Variants in DNMT3A observed in about 807,000 individuals in gnomAD.
The protein encoded by DNMT3A is DNA (cytosine-5)-methyltransferase 3A.
DNMT3A carries 267 observed loss-of-function variants against 117.6 expected under a neutral mutation model. That is an observed-to-expected ratio of 2.27 (90% CI 2.05 to 2.51). The LOEUF is 2.51. Ranked by LOEUF, DNMT3A falls within the 30% of genes most tolerant of loss-of-function variation. The pLI, the probability that DNMT3A is intolerant of heterozygous loss-of-function variation, is 0.00. For synonymous variants in DNMT3A, 432 were observed against 474.8 expected (o/e 0.91, Z 1.17); for missense variants, 1,029 against 1,260.2 (o/e 0.82, Z 2.78).
chr2:25,333,688 T>G (rs1573511760), intron 1 of DNMT3A, among the ~76,000 whole-genome samples: 3 of 151,940 alleles, frequency 2.0e-5, no homozygotes, highest in Admixed American at 1.3e-4. Context: ...TTTGTGGGGG[T>G]CACCCTAACC....
At chr2:25,318,766 C>T (rs1356391326) in intron 1 of DNMT3A, among the ~76,000 whole-genome samples, 1 of 144,728 alleles carries the variant, frequency 6.9e-6, no homozygotes, top group Non-Finnish European at 1.5e-5. Context: ...GGTGCAATCT[C>T]GGCTCACTGC....
At chr2:25,244,476 G>A in intron 14 of DNMT3A, 64 bp downstream of exon 14, 2 of 1,588,800 alleles carry the variant, frequency 1.3e-6, no homozygotes, top group Non-Finnish European at 1.7e-6. Context: ...GAGGAGGGGA[G>A]GCGGTGGGCG....
intron 3 of DNMT3A, among the ~76,000 whole-genome samples, chr2:25,289,127 C>T (rs1573434935): frequency 6.7e-6 from 1 of 149,440 alleles, no homozygotes; most frequent in Non-Finnish European, 1.5e-5. Context: ...TTTTTTGAGA[C>T]CGAGTCTCGC....
chr2:25,327,969 T>C lies in DNMT3A; in HGVS notation c.-177-13808A>G, dbSNP rs1450257633. Among the ~76,000 whole-genome samples, 2 of 152,182 alleles carry C rather than the reference T, an allele frequency of 1.3e-5. No homozygotes were observed. Among genetic ancestry groups the C allele is most frequent in the African/African-American group, 4.8e-5 (2 of 41,426 alleles). On this transcript the variant is annotated intron_variant, in intron 1 of 22. Coordinates refer to ENST00000321117, the MANE Select transcript of DNMT3A (RefSeq NM_022552.5). This position sits in a 1 kb window ranked among gnomAD's most constrained non-coding sequence, Gnocchi z 4.1. ...CCCCCTATTCCCTCCAGGCCCTTTG[T>C]ACCTCTTGTGTCTGTGGCACAATAA...
In DNMT3A at chr2:25,286,806, G is replaced by A. The variant is rs1375813464; in HGVS notation, c.178-4095C>T. 1.3e-5 allele frequency among the ~76,000 whole-genome samples: 2 copies of A among 152,236 alleles called. No homozygotes were observed. On this transcript the variant is annotated intron_variant, in intron 3 of 22. Coordinates refer to ENST00000321117, the MANE Select transcript of DNMT3A (RefSeq NM_022552.5). This position sits in a 1 kb window ranked among gnomAD's most constrained non-coding sequence, Gnocchi z 4.3. ...GCAGAAACCTCAGCCTGGAAGCCCA[G>A]GAGGGAGGGGCACCCCAGCCAGGCC... is the stretch of plus-strand genomic sequence containing the variant.
intron 12 of DNMT3A, 118 bp from the exon 13 acceptor site, chr2:25,245,450 A>G: frequency 3.4e-6 from 3 of 895,334 alleles, no homozygotes; most frequent in South Asian, 1.6e-5. Context: ...GCAGCCAGAA[A>G]AGAGTCCAGG....
At chr2:25,334,970 A>G (rs2035152897) in intron 1 of DNMT3A, among the ~76,000 whole-genome samples, 1 of 152,236 alleles carries the variant, frequency 6.6e-6, no homozygotes, top group Admixed American at 6.5e-5. Context: ...AAGTTCATTT[A>G]CATTTTTTCA....
At chr2:25,269,103 C>T (rs1215174478) in intron 6 of DNMT3A, among the ~76,000 whole-genome samples, 1 of 152,222 alleles carries the variant, frequency 6.6e-6, no homozygotes, top group African/African-American at 2.4e-5. Flanking sequence ...AGGCGGATCA[C>T]TTGGGGTCAG....
rs12329362 is a variant in DNMT3A, at chr2:25,329,923, T to G, written c.-178+11903A>C. Among the ~76,000 whole-genome samples the G allele has an allele frequency of 8.7e-3, 1,325 of 152,290 alleles. 17 individuals carry two copies. Among genetic ancestry groups the G allele is most frequent in the African/African-American group, 0.03 (1,255 of 41,536 alleles). On this transcript the variant is annotated intron_variant, in intron 1 of 22. Transcript: ENST00000321117. Reference sequence around the variant, plus strand: ...CCTACTGTATGGGCCAAAGAGGCATTTGGAAACCAGCTTGGGAACCTCATA... The same window carrying G: ...CCTACTGTATGGGCCAAAGAGGCATGTGGAAACCAGCTTGGGAACCTCATA...
intron 6 of DNMT3A, among the ~76,000 whole-genome samples, chr2:25,250,833 A>T (rs1317666132): frequency 6.6e-6 from 1 of 152,100 alleles, no homozygotes; most frequent in Non-Finnish European, 1.5e-5. Flanking sequence ...CGGGAAGGGG[A>T]AAGGACCCGC....
In DNMT3A at chr2:25,235,750, T is replaced by C. The variant is rs746967478; in HGVS notation, c.2554A>G (p.Met852Val). Reference sequence around the variant, plus strand: ...CATAAGATGTCCTCTTTCTCATTCATGAAGACAGGAAAATGCTGGTCTTTG... The same window carrying C: ...CATAAGATGTCCTCTTTCTCATTCACGAAGACAGGAAAATGCTGGTCTTTG... ...QGKDQHFPVF[M>V]NEKEDILWCT... is the part of the protein sequence containing the mutation. Residue 852 changes from methionine to valine, a missense_variant, in exon 22 of 23, where the codon ATG becomes GTG. By Grantham distance (21) the Met-to-Val change is conservative. Coordinates refer to ENST00000321117, the MANE Select transcript of DNMT3A (RefSeq NM_022552.5). 3.1e-6 allele frequency: 5 copies of C among 1,614,098 alleles called. No individual in the cohort carries two copies. Among genetic ancestry groups the C allele is most frequent in the African/African-American group, 1.3e-5 (1 of 74,928 alleles).
chr2:25,313,961 G>T lies in DNMT3A; in HGVS notation c.24C>A (p.Gly8=). 1 of 1,548,778 alleles carries T rather than the reference G, an allele frequency of 6.5e-7. No homozygotes were observed. Residue 8 remains glycine, a synonymous_variant, in exon 2 of 23, where the codon GGC becomes GGA. Coordinates refer to ENST00000321117, the MANE Select transcript of DNMT3A (RefSeq NM_022552.5). MPAMPSS[G]PGDTSSSAAE... ...CAGCAGAGCTGCTGGTGTCCCCGGG[G>T]CCGCTGGAGGGCATGGCGGGCATCT...
chr2:25,332,303 ACTGCT>A (rs1377125332), intron 1 of DNMT3A, among the ~76,000 whole-genome samples: 1 of 152,168 alleles, frequency 6.6e-6, no homozygotes, highest in Non-Finnish European at 1.5e-5. Flanking sequence ...CACCTAGCTA[ACTGCT>A]CCCTCCGCTT....
Position 25,313,802 on chromosome 2 carries a change from G to A in DNMT3A, c.72+111C>T, listed in dbSNP as rs933542644. 6.7e-6 allele frequency: 10 copies of A among 1,484,896 alleles called. No homozygotes were observed. In the African/African-American group the frequency reaches 1.4e-4, roughly 21 times the overall value. The allele number at this position is 1,484,896 out of a possible 1,614,324, so 92.0% of individuals were successfully genotyped here. ...GTGATGGTCCCACACCCTGTCGTGA[G>A]CACTGAGTGATGCGGTCATGCACTC... On this transcript the variant is annotated intron_variant, in intron 2 of 22. Transcript: ENST00000321117.
At chr2:25,245,878 A>G (rs1674686426) in intron 12 of DNMT3A, 142 bp downstream of exon 12, 5 of 1,089,972 alleles carry the variant, frequency 4.6e-6, no homozygotes, top group Admixed American at 1.8e-5. Context: ...AGAAAGACAG[A>G]CAGTGCACGA....
chr2:25,319,757 G>A (rs2034523184), intron 1 of DNMT3A, among the ~76,000 whole-genome samples: 2 of 151,748 alleles, frequency 1.3e-5, no homozygotes, highest in African/African-American at 2.4e-5. Context: ...GAACTGAATA[G>A]ATTTTTTCTT....
intron 6 of DNMT3A, among the ~76,000 whole-genome samples, chr2:25,260,900 G>A (rs1676542670): frequency 1.3e-5 from 2 of 152,118 alleles, no homozygotes; most frequent in South Asian, 2.1e-4. Flanking sequence ...AAGCTGAGGT[G>A]GGAGGATCAC....
intron 3 of DNMT3A, among the ~76,000 whole-genome samples, chr2:25,287,735 G>T (rs13003265): frequency 2.1e-5 from 3 of 142,808 alleles, no homozygotes; most frequent in South Asian, 2.2e-4. Flanking sequence ...GGACACCCCC[G>T]CCCCCAACAG....
chr2:25,300,759 ATATATAT>A (rs2033461313), intron 2 of DNMT3A, among the ~76,000 whole-genome samples: 1 of 71,792 alleles, frequency 1.4e-5, no homozygotes, highest in Non-Finnish European at 2.6e-5. Flanking sequence ...ATATATATAT[ATATATAT>A]ATAAATAATA....
Sources: gnomAD v4.1 joint callset for allele counts (sites outside exome capture counted in the v4.1 genomes callset) on GRCh38, gnomAD v4.1.1 for gene constraint, Gnocchi (gnomAD v3.1) non-coding constraint, MANE v1.5 for transcripts, NCBI Gene and HGNC (gene_info 2026-07-23, HGNC 2026-07-21) for gene names.